DAW1: variants seen among roughly 807,000 people sequenced by gnomAD.
The protein encoded by DAW1 is dynein assembly factor with WD repeat domains 1.
DAW1 carries 47 observed loss-of-function variants against 56.5 expected under a neutral mutation model. That is an observed-to-expected ratio of 0.83 (90% confidence interval 0.66 to 1.06). DAW1 has a LOEUF of 1.06. DAW1 is among the 50% of genes least tolerant of loss of function. The pLI is 0.00. For missense variants in DAW1, 505 were observed against 499.3 expected, an observed-to-expected ratio of 1.01 and a Z score of -0.11; for synonymous variants, 190 against 179.0, an observed-to-expected ratio of 1.06 and a Z score of -0.49.
intron 10 of DAW1, among the ~76,000 whole-genome samples, chr2:227,911,748 G>A (rs1461041776): frequency 6.6e-6 from 1 of 152,044 alleles, no homozygotes; most frequent in African/African-American, 2.4e-5. Flanking sequence ...TCATTGCCTT[G>A]ATAACCACAT....
At chr2:227,923,755 A>AG (rs1415510779) in intron 12 of DAW1, among the ~76,000 whole-genome samples, 179 bp from the exon 13 acceptor site, 1 of 152,138 alleles carries the variant, frequency 6.6e-6, no homozygotes, top group Non-Finnish European at 1.5e-5. Context: ...GAAAAAAAAA[A>AG]AAATCACTAC....
chr2:227,909,619 C>A (rs1217484508), intron 10 of DAW1, among the ~76,000 whole-genome samples: 1 of 151,920 alleles, frequency 6.6e-6, no homozygotes, highest in African/African-American at 2.4e-5. Context: ...CTTGGGGGGA[C>A]CAATGGTGTA....
intron 5 of DAW1, among the ~76,000 whole-genome samples, chr2:227,896,245 T>C (rs1352402620): frequency 6.6e-6 from 1 of 152,220 alleles, no homozygotes; most frequent in East Asian, 1.9e-4. Flanking sequence ...ATTGAAATTA[T>C]AAATGACACT....
intron 10 of DAW1, among the ~76,000 whole-genome samples, chr2:227,916,715 T>C (rs13406984): frequency 0.2 from 30,128 of 152,150 alleles, 3,250 homozygotes; most frequent in Middle Eastern, 0.32. Flanking sequence ...CATTATTTTC[T>C]TGATGATCAT....
chr2:227,907,802 C>A (rs1375527414), intron 10 of DAW1, among the ~76,000 whole-genome samples: 1 of 152,202 alleles, frequency 6.6e-6, no homozygotes, highest in Non-Finnish European at 1.5e-5. Flanking sequence ...CCTGCCTTGG[C>A]CTCCCAAAAT....
intron 2 of DAW1, among the ~76,000 whole-genome samples, chr2:227,885,921 C>T (rs1033648783): frequency 6.6e-5 from 10 of 151,692 alleles, no homozygotes; most frequent in Non-Finnish European, 1.3e-4. Flanking sequence ...AAGCTGCGAC[C>T]GTTTCTCAGA....
At position 227,889,920 on chromosome 2, in the gene DAW1, A is replaced by T. The variant is rs1325698426; in HGVS notation, c.178A>T (p.Thr60Ser). Residue 60 changes from threonine (T) to serine (S), a missense_variant, in exon 3 of 13, where the codon ACA becomes TCA. Coordinates refer to ENST00000309931, the MANE Select transcript of DAW1 (RefSeq NM_178821.3). ...AGAACCTCTACTCACAGCTTCACGA[A>T]CAGAGCAAGTCAAACTTTTGATACA... ...KAEPLLTASR[T>S]EQVKLLIQRL... 8.1e-6 allele frequency: 13 copies of T among 1,611,026 alleles called. No homozygotes were observed. Among genetic ancestry groups the T allele is most frequent in the African/African-American group, 1.3e-5 (1 of 74,882 alleles).
rs1236149709 is a variant in DAW1, at chr2:227,893,920, GTGTTCA to G, written c.440+5_440+10del. Reference sequence around the variant, plus strand: ...ATAGCATTCAACAATCCTTACGGGTGTGTTCATCCCTTCACTTATTTGTTTATTAAT... The same window carrying G: ...ATAGCATTCAACAATCCTTACGGGTGTCCCTTCACTTATTTGTTTATTAAT... On this transcript the variant is annotated splice_donor_5th_base_variant and intron_variant, in intron 5 of 12. Coordinates refer to ENST00000309931, the MANE Select transcript of DAW1 (RefSeq NM_178821.3). 6.3e-7 allele frequency: 1 copy of G among 1,591,076 alleles called. No homozygotes were observed. Among genetic ancestry groups the G allele is most frequent in the African/African-American group, 1.4e-5 (1 of 73,846 alleles).
intron 1 of DAW1, among the ~76,000 whole-genome samples, chr2:227,882,197 CTG>C (rs1244518636): frequency 6.6e-6 from 1 of 152,226 alleles, no homozygotes; most frequent in East Asian, 1.9e-4. Context: ...GATTCTCAAA[CTG>C]TAGAGGACTC....
At chr2:227,918,921 G>T (rs934727326) in intron 11 of DAW1, 65 bp downstream of exon 11, 10 of 1,485,500 alleles carry the variant, frequency 6.7e-6, no homozygotes, top group Non-Finnish European at 9.4e-6. Flanking sequence ...GGGCCCAGGT[G>T]CAGTGCCTCA....
intron 1 of DAW1, among the ~76,000 whole-genome samples, chr2:227,874,878 G>A (rs1447040255): frequency 1.3e-5 from 2 of 152,078 alleles, no homozygotes; most frequent in African/African-American, 2.4e-5. Flanking sequence ...CAGGAGAATC[G>A]CTTGAATCTG....
chr2:227,884,417 T>G (rs1691075558), intron 1 of DAW1, among the ~76,000 whole-genome samples: 1 of 152,186 alleles, frequency 6.6e-6, no homozygotes, highest in African/African-American at 2.4e-5. Flanking sequence ...ATTACGGGGA[T>G]CCTTGATCCT....
intron 10 of DAW1, among the ~76,000 whole-genome samples, chr2:227,915,504 T>A (rs1024694197): frequency 3.3e-5 from 5 of 152,064 alleles, no homozygotes; most frequent in African/African-American, 1.2e-4. Flanking sequence ...GAACACCAAG[T>A]GGGATTAATA....
At chr2:227,902,615 C>T (rs906096105) in intron 6 of DAW1, among the ~76,000 whole-genome samples, 5 of 152,064 alleles carry the variant, frequency 3.3e-5, no homozygotes, top group African/African-American at 1.2e-4. Context: ...GGCATTGAGA[C>T]TACAAGCCAG....
At chr2:227,881,169 A>G (rs544355194) in intron 1 of DAW1, among the ~76,000 whole-genome samples, 1 of 152,382 alleles carries the variant, frequency 6.6e-6, no homozygotes, top group African/African-American at 2.4e-5. Flanking sequence ...CTGTAAGGAC[A>G]GAGAATGTCC....
intron 4 of DAW1, 40 bp from the exon 5 acceptor site, chr2:227,893,755 G>T: frequency 6.3e-7 from 1 of 1,588,056 alleles, no homozygotes; most frequent in Non-Finnish European, 8.6e-7. Context: ...TTAACACACT[G>T]CCATTCTTCC....
chr2:227,912,507 C>T (rs1691853541), intron 10 of DAW1: 2 of 1,295,532 alleles, frequency 1.5e-6, no homozygotes, highest in African/African-American at 1.5e-5. Context: ...TCTTGATGAT[C>T]ATATATAATG....
At chr2:227,914,328 T>C (rs1691901141) in intron 10 of DAW1, among the ~76,000 whole-genome samples, 1 of 152,140 alleles carries the variant, frequency 6.6e-6, no homozygotes. Context: ...GCTATAATAC[T>C]ATATGCACCA....
intron 1 of DAW1, among the ~76,000 whole-genome samples, chr2:227,884,688 G>A (rs1470488711): frequency 6.6e-6 from 1 of 152,176 alleles, no homozygotes; most frequent in Non-Finnish European, 1.5e-5. Flanking sequence ...TATGCTGCTG[G>A]CTGGAAGGCA....
Sources: allele counts gnomAD v4.1 joint callset (sites outside exome capture counted in the v4.1 genomes callset), GRCh38; gene constraint gnomAD v4.1.1; transcripts MANE v1.5; gene names NCBI Gene and HGNC (gene_info 2026-07-23, HGNC 2026-07-21).